KCNH8: variants seen among roughly 807,000 people sequenced by gnomAD.
KCNH8 encodes potassium voltage-gated channel subfamily H member 8.
A neutral mutation model predicts 103.6 loss-of-function variants in KCNH8; 70 were observed. That is an observed-to-expected ratio of 0.68 (90% confidence interval 0.56 to 0.82). The LOEUF (loss-of-function observed/expected upper bound fraction) is 0.82, where lower values mean the gene tolerates loss of function less well. KCNH8 is among the 40% of genes least tolerant of loss of function. The pLI, the probability that KCNH8 is intolerant of heterozygous loss-of-function variation, is 0.00. For missense variants in KCNH8, 1,217 were observed against 1,329.9 expected, an observed-to-expected ratio of 0.92 and a Z score of 1.32; for synonymous variants, 498 against 489.4, an observed-to-expected ratio of 1.02 and a Z score of -0.23.
chr3:19,490,890 T>A (rs2068306197), intron 11 of KCNH8, among the ~76,000 whole-genome samples: 1 of 152,154 alleles, frequency 6.6e-6, no homozygotes, highest in South Asian at 2.1e-4. Flanking sequence ...GGATTTTTTT[T>A]AAAGAAAGCT....
intron 2 of KCNH8, among the ~76,000 whole-genome samples, chr3:19,262,929 A>C (rs1280687784): frequency 6.6e-6 from 1 of 152,086 alleles, no homozygotes; most frequent in Non-Finnish European, 1.5e-5. Context: ...CCATTGATTC[A>C]AACCAGAGTC....
intron 3 of KCNH8, among the ~76,000 whole-genome samples, chr3:19,323,046 G>T (rs1228994455): frequency 1.3e-5 from 2 of 152,020 alleles, no homozygotes; most frequent in Non-Finnish European, 2.9e-5. Flanking sequence ...AATTGTGATT[G>T]TTTTTTACGT....
intron 8 of KCNH8, among the ~76,000 whole-genome samples, chr3:19,442,959 A>G (rs1417540029): frequency 2.0e-5 from 3 of 152,074 alleles, no homozygotes; most frequent in Non-Finnish European, 4.4e-5. Context: ...AGATTTAGTG[A>G]GTTTAAATCC....
intron 3 of KCNH8, among the ~76,000 whole-genome samples, chr3:19,327,169 G>A (rs1395510815): frequency 6.6e-6 from 1 of 152,152 alleles, no homozygotes; most frequent in Non-Finnish European, 1.5e-5. Flanking sequence ...ATACTTTAAT[G>A]GTCAAAGAAA....
intron 1 of KCNH8, among the ~76,000 whole-genome samples, chr3:19,197,558 A>G (rs2063614351): frequency 1.3e-5 from 2 of 151,900 alleles, no homozygotes; most frequent in Non-Finnish European, 1.5e-5. Flanking sequence ...AATTTAGTGC[A>G]GTAGTTAAGA....
intron 1 of KCNH8, among the ~76,000 whole-genome samples, chr3:19,171,916 G>A: frequency 6.6e-6 from 1 of 152,168 alleles, no homozygotes; most frequent in African/African-American, 2.4e-5. Context: ...TCTGAATGAG[G>A]ATAAGAACTT....
At chr3:19,294,861 G>T (rs369387033) in intron 3 of KCNH8, among the ~76,000 whole-genome samples, 9 of 152,118 alleles carry the variant, frequency 5.9e-5, no homozygotes, top group African/African-American at 2.2e-4. Flanking sequence ...TAAAATATCT[G>T]CAGCCAGTCA....
At chr3:19,387,521 C>G (rs529797403) in intron 5 of KCNH8, among the ~76,000 whole-genome samples, 1 of 152,164 alleles carries the variant, frequency 6.6e-6, no homozygotes, top group Admixed American at 6.5e-5. Flanking sequence ...CGTAAATATA[C>G]CAGAACTATG....
chr3:19,326,227 T>A (rs2065421376), intron 3 of KCNH8, among the ~76,000 whole-genome samples: 1 of 151,886 alleles, frequency 6.6e-6, no homozygotes, highest in Middle Eastern at 3.4e-3. Context: ...GAAAAATAAC[T>A]AAAGGATACT....
chr3:19,490,088 C>T (rs993821456), intron 11 of KCNH8, among the ~76,000 whole-genome samples: 2 of 152,214 alleles, frequency 1.3e-5, no homozygotes, highest in East Asian at 1.9e-4. Flanking sequence ...AAATGCCTAC[C>T]CGAGAGTGCT....
chr3:19,439,950 C>T (rs1029679147), intron 8 of KCNH8, among the ~76,000 whole-genome samples: 53 of 151,556 alleles, frequency 3.5e-4, no homozygotes, highest in African/African-American at 1.3e-3. Flanking sequence ...CAAAAAGAGA[C>T]AGAGGGAGGA....
At chr3:19,234,194 A>G (rs1183556143) in intron 1 of KCNH8, among the ~76,000 whole-genome samples, 1 of 152,144 alleles carries the variant, frequency 6.6e-6, no homozygotes, top group East Asian at 1.9e-4. Context: ...CCACGTCCCT[A>G]CCAGACTCAG....
intron 1 of KCNH8, among the ~76,000 whole-genome samples, chr3:19,172,707 A>C (rs145070060): frequency 6.6e-6 from 1 of 152,332 alleles, no homozygotes; most frequent in Non-Finnish European, 1.5e-5. Context: ...GGAGGTATGG[A>C]CAATGCAAGC....
intron 11 of KCNH8, among the ~76,000 whole-genome samples, chr3:19,496,245 A>C (rs1414910719): frequency 6.6e-6 from 1 of 152,126 alleles, no homozygotes; most frequent in Non-Finnish European, 1.5e-5. Flanking sequence ...AATAGGAGTC[A>C]TGATAGAGGG....
chr3:19,184,050 A>G (rs1216328119), intron 1 of KCNH8, among the ~76,000 whole-genome samples: 1 of 152,120 alleles, frequency 6.6e-6, no homozygotes, highest in Non-Finnish European at 1.5e-5. Flanking sequence ...GAACATAAGC[A>G]TGCTCTTTGA....
intron 11 of KCNH8, among the ~76,000 whole-genome samples, chr3:19,506,300 T>A (rs2068691587): frequency 6.6e-6 from 1 of 152,186 alleles, no homozygotes; most frequent in Admixed American, 6.5e-5. Context: ...TTCCTTTAAC[T>A]GTGGTGTAAT....
intron 1 of KCNH8, among the ~76,000 whole-genome samples, chr3:19,201,821 A>G (rs534844550): frequency 1.3e-5 from 2 of 152,274 alleles, no homozygotes; most frequent in African/African-American, 4.8e-5. Context: ...CCATTCTAAT[A>G]TATCTTTAAA....
Position 19,253,811 on chromosome 3 carries a change from A to G in KCNH8, c.234A>G (p.Gln78=). The change falls in exon 2 of 16, where the codon CAA becomes CAG. Residue 78 remains glutamine, a synonymous_variant. Transcript: ENST00000328405. ...TATTTGGGGTTGAAACCAATGAGCA[A>G]CTGATGCTTCAAATAGAAAAGTCAC... ...KFLFGVETNE[Q]LMLQIEKSLE... 6.2e-7 allele frequency: 1 copy of G among 1,613,912 alleles called. No homozygotes were observed. The highest frequency in any genetic ancestry group is 1.1e-5 in the South Asian group (1 of 91,086).
At chr3:19,496,190 TTC>T (rs1307273752) in intron 11 of KCNH8, among the ~76,000 whole-genome samples, 1 of 152,206 alleles carries the variant, frequency 6.6e-6, no homozygotes, top group Non-Finnish European at 1.5e-5. Flanking sequence ...TTTTATTTCT[TTC>T]TCTTGCCTTA....
Sources: allele counts gnomAD v4.1 joint callset (sites outside exome capture counted in the v4.1 genomes callset), GRCh38; gene constraint gnomAD v4.1.1; transcripts MANE v1.5; gene names NCBI Gene and HGNC (gene_info 2026-07-23, HGNC 2026-07-21).